The following ZNF385B variants were observed in gnomAD, a reference collection of about 807,000 sequenced individuals.
ZNF385B encodes the protein zinc finger protein 385B.
A neutral mutation model predicts 39.2 loss-of-function variants in ZNF385B; 23 were observed. The ratio of observed to expected loss-of-function variants is 0.59; its 90% CI spans 0.42 to 0.83. The LOEUF (loss-of-function observed/expected upper bound fraction) is 0.83, where lower values mean the gene tolerates loss of function less well. ZNF385B is among the 40% of genes least tolerant of loss of function. ZNF385B has a pLI of 0.00. For synonymous variants in ZNF385B, 205 were observed against 222.6 expected, an observed-to-expected ratio of 0.92 and a Z score of 0.70; for missense variants, 552 against 598.9, an observed-to-expected ratio of 0.92 and a Z score of 0.82.
chr2:179,808,949 A>G (rs1285320268), intron 1 of ZNF385B, among the ~76,000 whole-genome samples: 1 of 152,242 alleles, frequency 6.6e-6, no homozygotes, highest in East Asian at 1.9e-4. Flanking sequence ...ACAGATAACA[A>G]TAGGTGAAAT....
At chr2:179,714,048 T>G (rs1413609174) in intron 3 of ZNF385B, among the ~76,000 whole-genome samples, 2 of 152,106 alleles carry the variant, frequency 1.3e-5, no homozygotes, top group Non-Finnish European at 2.9e-5. Flanking sequence ...TGTTGGAAAG[T>G]CAAGCAAAAT....
At chr2:179,494,436 G>A (rs1301700119) in intron 5 of ZNF385B, among the ~76,000 whole-genome samples, 2 of 151,994 alleles carry the variant, frequency 1.3e-5, no homozygotes, top group South Asian at 4.1e-4. Flanking sequence ...GATGAAAAGG[G>A]TTCAAAATTA....
chr2:179,747,466 A>G lies in ZNF385B; in HGVS notation c.298+22037T>C, dbSNP rs73973722. Among the ~76,000 whole-genome samples, 333 of 152,238 alleles carry G rather than the reference A, an allele frequency of 2.2e-3. 4 individuals are homozygous for G. Among genetic ancestry groups the G allele is most frequent in the African/African-American group, 7.7e-3 (320 of 41,554 alleles). The stretch of plus-strand genomic sequence containing the variant: ...GGGCAACATTTGAATGTATTATGAG[A>G]AAAGGCATTGGGCATCATTGACTTT... On this transcript the variant is annotated intron_variant, in intron 3 of 9. Coordinates refer to ENST00000410066, the MANE Select transcript of ZNF385B (RefSeq NM_152520.6).
At chr2:179,553,827 T>A (rs1376251125) in intron 3 of ZNF385B, among the ~76,000 whole-genome samples, 2 of 148,672 alleles carry the variant, frequency 1.3e-5, no homozygotes, top group Admixed American at 1.3e-4. Flanking sequence ...GCAGAAAAAA[T>A]TTCTTCCCTC....
intron 7 of ZNF385B, 103 bp downstream of exon 7, chr2:179,446,422 A>G (rs2049479451): frequency 4.8e-6 from 7 of 1,451,936 alleles, no homozygotes; most frequent in Non-Finnish European, 6.4e-6. Context: ...GTAGAGAAGC[A>G]TGGAACAAAC....
chr2:179,728,358 T>A (rs1313961191), intron 3 of ZNF385B, among the ~76,000 whole-genome samples: 1 of 152,060 alleles, frequency 6.6e-6, no homozygotes, highest in Non-Finnish European at 1.5e-5. Context: ...CTAAAAAAAA[T>A]TAGTCTCAAT....
chr2:179,669,125 CTG>C (rs963315420), intron 3 of ZNF385B, among the ~76,000 whole-genome samples: 7 of 152,282 alleles, frequency 4.6e-5, no homozygotes, highest in African/African-American at 1.7e-4. Context: ...AAGGTTCTAT[CTG>C]TATTAACTAA....
chr2:179,575,006 A>G (rs560199565), intron 3 of ZNF385B, among the ~76,000 whole-genome samples: 56 of 152,112 alleles, frequency 3.7e-4, no homozygotes, highest in African/African-American at 1.3e-3. Context: ...CTGCTCAGGT[A>G]CCAACATCGG....
intron 3 of ZNF385B, among the ~76,000 whole-genome samples, chr2:179,685,708 A>T (rs1015609741): frequency 6.0e-5 from 9 of 151,000 alleles, no homozygotes; most frequent in African/African-American, 9.7e-5. Context: ...AAAAAAAAAT[A>T]AAAAAAGTCA....
chr2:179,598,394 T>C (rs1347534448), intron 3 of ZNF385B, among the ~76,000 whole-genome samples: 1 of 152,162 alleles, frequency 6.6e-6, no homozygotes, highest in African/African-American at 2.4e-5. Flanking sequence ...TTAATTGTTG[T>C]TACATTATGC....
At chr2:179,597,025 C>T (rs1688053928) in intron 3 of ZNF385B, among the ~76,000 whole-genome samples, 2 of 152,194 alleles carry the variant, frequency 1.3e-5, no homozygotes, top group South Asian at 4.1e-4. Context: ...AAGGATCTAT[C>T]TCCATTCTTT....
intron 3 of ZNF385B, among the ~76,000 whole-genome samples, chr2:179,639,249 A>AGGG (rs1553488118): frequency 3.9e-5 from 5 of 128,704 alleles, no homozygotes; most frequent in South Asian, 5.3e-4. Flanking sequence ...AAAAAAAAAA[A>AGGG]GGGGGAGAAA....
At position 179,562,989 on chromosome 2, in the gene ZNF385B, A is replaced by G. The variant is rs576440681; in HGVS notation, c.299-18020T>C. ...GACTAGAATAATTTATTTGCATTCT[A>G]TTAGGCCTGAAGAATTTGTTTCCTT... On this transcript the variant is annotated intron_variant, in intron 3 of 9. Coordinates refer to ENST00000410066, the MANE Select transcript of ZNF385B (RefSeq NM_152520.6). Among the ~76,000 whole-genome samples, 5 of 146,960 alleles carry G rather than the reference A, an allele frequency of 3.4e-5. No homozygotes were observed. In the South Asian group the frequency reaches 1.1e-3, roughly 32 times the overall value.
chr2:179,539,630 C>T (rs2105890991), intron 4 of ZNF385B, among the ~76,000 whole-genome samples: 1 of 152,122 alleles, frequency 6.6e-6, no homozygotes, highest in Admixed American at 6.5e-5. Context: ...ATAGGAGATC[C>T]TAATTCTAAT....
chr2:179,472,938 T>C (rs753442972), intron 6 of ZNF385B, among the ~76,000 whole-genome samples: 2 of 152,298 alleles, frequency 1.3e-5, no homozygotes, highest in East Asian at 3.9e-4. Flanking sequence ...TCCACCTTAA[T>C]GAAAACAAAG....
At chr2:179,799,245 G>A (rs1705876444) in intron 1 of ZNF385B, among the ~76,000 whole-genome samples, 2 of 151,972 alleles carry the variant, frequency 1.3e-5, no homozygotes, top group South Asian at 4.2e-4. Context: ...CTGCTTCATG[G>A]TGAAATATCC....
At chr2:179,579,927 A>G (rs1045878030) in intron 3 of ZNF385B, among the ~76,000 whole-genome samples, 3 of 152,190 alleles carry the variant, frequency 2.0e-5, no homozygotes, top group Admixed American at 6.5e-5. Context: ...ACTTACTGTT[A>G]ATAAGTGACA....
intron 3 of ZNF385B, among the ~76,000 whole-genome samples, chr2:179,590,845 T>A (rs754729934): frequency 1.3e-5 from 2 of 152,128 alleles, no homozygotes; most frequent in African/African-American, 2.4e-5. Flanking sequence ...CCACCATGAT[T>A]GTAAGTTTCC....
At chr2:179,669,075 A>G (rs1394003975) in intron 3 of ZNF385B, among the ~76,000 whole-genome samples, 1 of 152,216 alleles carries the variant, frequency 6.6e-6, no homozygotes, top group South Asian at 2.1e-4. Context: ...ATTTAGTTGT[A>G]CTACTGTCAA....
Sources: allele counts gnomAD v4.1 joint callset (sites outside exome capture counted in the v4.1 genomes callset), GRCh38; gene constraint gnomAD v4.1.1; transcripts MANE v1.5; gene names NCBI Gene and HGNC (gene_info 2026-07-23, HGNC 2026-07-21).